CST5: variants seen among roughly 807,000 people sequenced by gnomAD.
CST5 encodes the protein cystatin-D.
A neutral mutation model predicts 11.5 loss-of-function variants in CST5; 13 were observed. That is an observed-to-expected ratio of 1.13 (90% CI 0.73 to 1.79). The LOEUF (loss-of-function observed/expected upper bound fraction) is 1.79. Ranked by LOEUF, CST5 falls within the 40% of genes most tolerant of loss-of-function variation. The pLI is 0.00. For missense variants in CST5, 219 were observed against 174.5 expected, an observed-to-expected ratio of 1.25 and a Z score of -1.44; for synonymous variants, 81 against 67.6, an observed-to-expected ratio of 1.20 and a Z score of -0.97.
chr20:23,877,063 G>C (rs186113879), intron 2 of CST5, among the ~76,000 whole-genome samples: 2 of 151,986 alleles, frequency 1.3e-5, no homozygotes, highest in Non-Finnish European at 2.9e-5. Context: ...ACACACATAG[G>C]CATCTATATT....
chr20:23,876,573 G>T (rs923959980), intron 2 of CST5, among the ~76,000 whole-genome samples: 6 of 152,186 alleles, frequency 3.9e-5, no homozygotes, highest in African/African-American at 1.4e-4. Context: ...CCTCAGGGGT[G>T]CAGGACAGGG....
In CST5 at chr20:23,879,716, A is replaced by T; in HGVS notation, c.-40T>A. The T allele has an allele frequency of 6.3e-7, 1 of 1,583,388 alleles. No homozygotes were observed. The highest frequency in any genetic ancestry group is 8.6e-7 in the Non-Finnish European group (1 of 1,157,822). The stretch of plus-strand genomic sequence containing the variant: ...CAGAGCAAGGAGCTGGATCTCCCAG[A>T]GAGCAAAGCAGCAGAAGGCTGAGGC... On this transcript the variant is annotated 5_prime_UTR_variant, in exon 1 of 3. Coordinates refer to ENST00000304710, the MANE Select transcript of CST5 (RefSeq NM_001900.5).
In CST5 at chr20:23,877,611, C is replaced by A. The variant is rs775178646; in HGVS notation, c.239G>T (p.Gly80Val). 4.0e-6 allele frequency: 6 copies of A among 1,502,544 alleles called. No individual in the cohort carries two copies. The highest frequency in any genetic ancestry group is 5.3e-6 in the Non-Finnish European group (6 of 1,125,694). The allele number at this position is 1,502,544 out of a possible 1,614,324, so 93.1% of individuals were successfully genotyped here. The change falls in exon 2 of 3, where the codon GGT (glycine) becomes GTT (valine). Residue 80 changes from glycine to valine, a missense_variant. Gly to Val is a moderately radical substitution (Grantham distance 109, BLOSUM62 -3). Transcript: ENST00000304710. The stretch of plus-strand genomic sequence containing the variant: ...CACATTGAAGTAGTAGTTCACCCCA[C>A]CCACGATCTACACGCGTGGAAGAGC... ...QVMAAYQQIV[G>V]GVNYYFNVKF...
In CST5 at chr20:23,877,677, A is replaced by T. The variant is rs779324141; in HGVS notation, c.232-59T>A. 31 of 1,385,784 alleles carry T rather than the reference A, an allele frequency of 2.2e-5. No homozygotes were observed. In the Middle Eastern group the frequency reaches 5.8e-4, roughly 26 times the overall value. 85.8% of individuals were successfully genotyped at this position (1,385,784 alleles called of 1,614,324 possible). A position where few individuals can be genotyped will look rare whatever the true frequency, so the allele number is the denominator to read the frequency against. On this transcript the variant is annotated intron_variant, in intron 1 of 2. Transcript: ENST00000304710. ...CATGCTGTCAGTTTCATGCACACGC[A>T]GGCACTTCACTGTGACTGAGTCACT...
Position 23,879,668 on chromosome 20 carries a change from C to T in CST5, c.9G>A (p.Trp3Ter), listed in dbSNP as rs545997699. The T allele has an allele frequency of 4.3e-6, 7 of 1,613,156 alleles. No individual in the cohort carries two copies. Among genetic ancestry groups the T allele is most frequent in the African/African-American group, 1.3e-5 (1 of 75,000 alleles). ...GCAGCAGCAGTGGGGTGTGCATGGG[C>T]CACATCATGTTCTACTGGGACACAG... The part of the protein sequence containing the change: MM[W>*]PMHTPLLLLT... Residue 3 changes from tryptophan (W) to a stop codon, truncating the protein, a stop_gained, in exon 1 of 3, where the codon TGG becomes TGA. Coordinates refer to ENST00000304710, the MANE Select transcript of CST5 (RefSeq NM_001900.5). LOFTEE classifies it high-confidence loss of function.
chr20:23,876,024 C>G lies in CST5; in HGVS notation c.*164G>C, dbSNP rs1027786762. The G allele has an allele frequency of 1.2e-5, 7 of 573,448 alleles. No individual in the cohort carries two copies. Among genetic ancestry groups the G allele is most frequent in the Non-Finnish European group, 1.9e-5 (6 of 319,050 alleles). 35.5% of individuals were successfully genotyped at this position (573,448 alleles called of 1,614,324 possible). A position where few individuals can be genotyped will look rare whatever the true frequency, so the allele number is the denominator to read the frequency against. ...CAAGAAGGAAGGAGCAAGGGCAGAG[C>G]CTCCTGCTGAGCAACAAAGGCCTCC... On this transcript the variant is annotated 3_prime_UTR_variant, in exon 3 of 3. Coordinates refer to ENST00000304710, the MANE Select transcript of CST5 (RefSeq NM_001900.5).
chr20:23,877,647 G>T (rs749810249), intron 1 of CST5, 29 bp from the exon 2 acceptor site: 20 of 1,552,688 alleles, frequency 1.3e-5, no homozygotes, highest in Non-Finnish European at 1.8e-5. Context: ...AGGAAGCAGG[G>T]GCAGCATGCT....
chr20:23,877,267 C>T (rs1187271327), intron 2 of CST5, among the ~76,000 whole-genome samples: 2 of 152,200 alleles, frequency 1.3e-5, no homozygotes, highest in African/African-American at 4.8e-5. Context: ...TCCATATGCA[C>T]AAACACATTC....
chr20:23,878,132 C>T (rs1191486215), intron 1 of CST5, among the ~76,000 whole-genome samples: 1 of 152,212 alleles, frequency 6.6e-6, no homozygotes. Context: ...ACTTCCAGCT[C>T]CTGGCATTCA....
At chr20:23,877,031 CT>C (rs1337355987) in intron 2 of CST5, among the ~76,000 whole-genome samples, 22 of 152,220 alleles carry the variant, frequency 1.4e-4, no homozygotes, top group Non-Finnish European at 2.6e-4. Context: ...TTCATCACCC[CT>C]ATCCACACCA....
intron 2 of CST5, 60 bp downstream of exon 2, chr20:23,877,445 A>G: frequency 7.8e-7 from 1 of 1,282,856 alleles, no homozygotes; most frequent in Non-Finnish European, 1.1e-6. Flanking sequence ...ACATACACAC[A>G]CACACATGCA....
In CST5 at chr20:23,879,492, T is replaced by C. The variant is rs1228619033; in HGVS notation, c.185A>G (p.Asp62Gly). Residue 62 changes from aspartate to glycine, a missense_variant, in exon 1 of 3, where the codon GAT becomes GGT. Coordinates refer to ENST00000304710, the MANE Select transcript of CST5 (RefSeq NM_001900.5). ...ISEYNKVINK[D>G]EYYSRPLQVM... ...CTGCAGAGGGCGGCTGTAGTACTCA[T>C]CCTTATTAATGACCTTGTTGTACTC... 3.1e-6 allele frequency: 5 copies of C among 1,613,986 alleles called. No homozygotes were observed. Among genetic ancestry groups the C allele is most frequent in the Non-Finnish European group, 4.2e-6 (5 of 1,179,960 alleles).
Position 23,879,616 on chromosome 20 carries a change from C to T in CST5, c.61G>A (p.Gly21Arg), listed in dbSNP as rs761896231. ...LLTALMVAVA[G>R]SASAQSRTLA... ...GTCCTAGATTGGGCCGAGGCACTCC[C>T]GGCCACGGCCACCATCAAGGCAGTC... The change falls in exon 1 of 3, where the codon GGG (glycine) becomes AGG (arginine). Residue 21 changes from glycine (G) to arginine (R), a missense_variant. Transcript: ENST00000304710. The T allele has an allele frequency of 1.8e-5, 29 of 1,613,958 alleles. No individual in the cohort carries two copies. The highest frequency in any genetic ancestry group is 3.3e-5 in the South Asian group (3 of 91,076).
intron 2 of CST5, 132 bp downstream of exon 2, chr20:23,877,373 A>G: frequency 2.9e-6 from 2 of 688,550 alleles, no homozygotes; most frequent in Non-Finnish European, 5.0e-6. Context: ...CCCCACAAAT[A>G]TCTGCACACA....
rs1012905834 is a variant in CST5 at position 23,879,683 on chromosome 20, C to T, written c.-7G>A. ...TGTGCATGGGCCACATCATGTTCTA[C>T]TGGGACACAGAGCAAGGAGCTGGAT... On this transcript the variant is annotated 5_prime_UTR_variant, in exon 1 of 3. Transcript: ENST00000304710. The T allele has an allele frequency of 1.9e-6, 3 of 1,610,494 alleles. No individual in the cohort carries two copies. Among genetic ancestry groups the T allele is most frequent in the South Asian group, 2.2e-5 (2 of 90,900 alleles).
Position 23,879,641 on chromosome 20 carries a change from C to A in CST5, c.36G>T (p.Leu12=). Residue 12 remains leucine (L), a synonymous_variant, in exon 1 of 3, where the codon CTG becomes CTT. Coordinates refer to ENST00000304710, the MANE Select transcript of CST5 (RefSeq NM_001900.5). ...MWPMHTPLLL[L]TALMVAVAGS... ...CGGCCACGGCCACCATCAAGGCAGT[C>A]AGCAGCAGCAGTGGGGTGTGCATGG... The A allele has an allele frequency of 6.2e-7, 1 of 1,613,986 alleles. No individual in the cohort carries two copies.
intron 2 of CST5, among the ~76,000 whole-genome samples, chr20:23,877,223 C>T (rs1254552532): frequency 2.0e-5 from 3 of 152,012 alleles, no homozygotes; most frequent in Non-Finnish European, 4.4e-5. Flanking sequence ...CATGTGTACA[C>T]CATCCCACAC....
chr20:23,876,142 G>C lies in CST5; in HGVS notation c.*46C>G, dbSNP rs776894389. ...AGTCCAGGGGTGGGAGCACTACAGG[G>C]GGTGGGAGTAGGAGGTGGTCAGTGT... On this transcript the variant is annotated 3_prime_UTR_variant, in exon 3 of 3. Coordinates refer to ENST00000304710, the MANE Select transcript of CST5 (RefSeq NM_001900.5). 5 of 1,499,624 alleles carry C rather than the reference G, an allele frequency of 3.3e-6. No individual in the cohort carries two copies. The highest frequency in any genetic ancestry group is 3.7e-6 in the Non-Finnish European group (4 of 1,077,530). The allele number at this position is 1,499,624 out of a possible 1,614,324, so 92.9% of individuals were successfully genotyped here.
intron 1 of CST5, 50 bp downstream of exon 1, chr20:23,879,396 C>T (rs1986033878): frequency 1.7e-5 from 25 of 1,481,834 alleles, no homozygotes; most frequent in Non-Finnish European, 2.3e-5. Flanking sequence ...GGGGGTGAGG[C>T]AAAAAACCCA....
Sources: allele counts gnomAD v4.1 joint callset (sites outside exome capture counted in the v4.1 genomes callset), GRCh38; gene constraint gnomAD v4.1.1; transcripts MANE v1.5; gene names NCBI Gene and HGNC (gene_info 2026-07-23, HGNC 2026-07-21).